DGKI: variants seen among roughly 807,000 people sequenced by gnomAD.
DGKI encodes DAG kinase iota.
DGKI carries 55 observed loss-of-function variants against 147.5 expected under a neutral mutation model. The observed-to-expected ratio is 0.37, with a 90% CI of 0.30 to 0.47. The LOEUF is 0.47. Ranked by LOEUF, DGKI falls within the 20% of genes least tolerant of loss-of-function variation. DGKI has a pLI of 1.00. For synonymous variants in DGKI, 469 were observed against 477.1 expected, an observed-to-expected ratio of 0.98 and a Z score of 0.22; for missense variants, 1,007 against 1,323.8, an observed-to-expected ratio of 0.76 and a Z score of 3.71.
intron 1 of DGKI, among the ~76,000 whole-genome samples, chr7:137,707,199 G>T (rs1455442172): frequency 2.0e-5 from 3 of 152,182 alleles, no homozygotes; most frequent in Admixed American, 6.5e-5. Flanking sequence ...AGGGAGTGGG[G>T]TGGTCTGCTT....
chr7:137,829,782 G>A (rs1798166636), intron 1 of DGKI, among the ~76,000 whole-genome samples: 1 of 152,220 alleles, frequency 6.6e-6, no homozygotes, highest in African/African-American at 2.4e-5. Flanking sequence ...TTCTTCATTG[G>A]CTCTGTGTCA....
intron 28 of DGKI, among the ~76,000 whole-genome samples, chr7:137,430,212 T>C (rs1212754796): frequency 6.6e-6 from 1 of 150,794 alleles, no homozygotes; most frequent in African/African-American, 2.4e-5. Flanking sequence ...CACCATGGAA[T>C]ACTATGCAGC....
chr7:137,683,689 T>G lies in DGKI; in HGVS notation c.511-5037A>C, dbSNP rs1823318160. 4.6e-5 allele frequency among the ~76,000 whole-genome samples: 7 copies of G among 152,136 alleles called. 1 individual carries two copies. The South Asian group carries it at 1.5e-3, about 32-fold the overall frequency. ...CTCAAATAGTATACAACTCAAAGAG[T>G]CTCCATCTGTGCCAGACAGAAAAAT... is the stretch of plus-strand genomic sequence containing the variant. On this transcript the variant is annotated intron_variant, in intron 2 of 32. Transcript: ENST00000614521.
intron 1 of DGKI, among the ~76,000 whole-genome samples, chr7:137,752,348 G>A (rs1795522650): frequency 6.6e-6 from 1 of 152,104 alleles, no homozygotes; most frequent in African/African-American, 2.4e-5. Flanking sequence ...TACAAAGAGG[G>A]AAAAGGAAGG....
At chr7:137,653,558 G>A (rs755526325) in intron 5 of DGKI, among the ~76,000 whole-genome samples, 9 of 152,084 alleles carry the variant, frequency 5.9e-5, no homozygotes, top group African/African-American at 9.6e-5. Context: ...CTTTCTATCC[G>A]GAAGGCTCTT....
intron 30 of DGKI, among the ~76,000 whole-genome samples, chr7:137,402,355 T>G (rs1190180423): frequency 6.6e-6 from 1 of 152,194 alleles, no homozygotes; most frequent in Non-Finnish European, 1.5e-5. Context: ...GAAAATTCTG[T>G]TAAGTGGACA....
At chr7:137,551,617 T>C (rs538513928) in intron 20 of DGKI, among the ~76,000 whole-genome samples, 1 of 152,290 alleles carries the variant, frequency 6.6e-6, no homozygotes, top group African/African-American at 2.4e-5. Context: ...CGTCCCCTTC[T>C]CCAACCCCAC....
intron 5 of DGKI, among the ~76,000 whole-genome samples, chr7:137,650,762 G>C (rs1205969854): frequency 6.6e-6 from 1 of 152,106 alleles, no homozygotes; most frequent in Non-Finnish European, 1.5e-5. Flanking sequence ...AATAATTTTT[G>C]TTGCTTATAA....
chr7:137,448,198 G>C (rs755859191), intron 27 of DGKI, among the ~76,000 whole-genome samples: 1 of 151,228 alleles, frequency 6.6e-6, no homozygotes, highest in Non-Finnish European at 1.5e-5. Flanking sequence ...ACCTAGAAGA[G>C]GATGCTGATA....
chr7:137,664,377 C>CAAAAAAAA (rs1190186766), intron 3 of DGKI, among the ~76,000 whole-genome samples: 47 of 55,004 alleles, frequency 8.5e-4, no homozygotes, highest in Non-Finnish European at 1.4e-3. Flanking sequence ...GACTCCATCT[C>CAAAAAAAA]AAAAAAAAAA....
At chr7:137,586,245 C>T (rs779451865) in intron 13 of DGKI, among the ~76,000 whole-genome samples, 13 of 151,984 alleles carry the variant, frequency 8.6e-5, no homozygotes, top group Non-Finnish European at 1.5e-4. Context: ...GCCAACATGG[C>T]GAAACCCTGT....
At chr7:137,761,803 A>G (rs1585457632) in intron 1 of DGKI, among the ~76,000 whole-genome samples, 1 of 152,270 alleles carries the variant, frequency 6.6e-6, no homozygotes, top group African/African-American at 2.4e-5. Context: ...CTTCTCTCCT[A>G]GACTCCAGAC....
chr7:137,680,281 G>A (rs1392178094), intron 2 of DGKI, among the ~76,000 whole-genome samples: 2 of 152,216 alleles, frequency 1.3e-5, no homozygotes, highest in African/African-American at 2.4e-5. Flanking sequence ...CACCAGAACT[G>A]TGGGAAATGA....
chr7:137,794,416 CA>C (rs1388576342), intron 1 of DGKI, among the ~76,000 whole-genome samples: 1 of 152,220 alleles, frequency 6.6e-6, no homozygotes, highest in Non-Finnish European at 1.5e-5. Context: ...TAAGTTGATA[CA>C]AATGAACATT....
chr7:137,451,195 T>G (rs1408051717), intron 27 of DGKI, among the ~76,000 whole-genome samples: 1 of 123,532 alleles, frequency 8.1e-6, no homozygotes, highest in Non-Finnish European at 2.0e-5. Flanking sequence ...AGTCTCCAGG[T>G]TCCCAAGGAA....
At chr7:137,782,251 G>T (rs1796541344) in intron 1 of DGKI, among the ~76,000 whole-genome samples, 1 of 152,128 alleles carries the variant, frequency 6.6e-6, no homozygotes, top group African/African-American at 2.4e-5. Flanking sequence ...GCTGTCGTGG[G>T]GGCATGATGA....
chr7:137,739,164 A>G (rs903977221), intron 1 of DGKI, among the ~76,000 whole-genome samples: 1 of 152,168 alleles, frequency 6.6e-6, no homozygotes, highest in African/African-American at 2.4e-5. Context: ...CTCAGCATGG[A>G]TCTACATCCA....
chr7:137,444,508 A>C (rs911606539), intron 27 of DGKI, among the ~76,000 whole-genome samples: 17 of 152,248 alleles, frequency 1.1e-4, no homozygotes, highest in African/African-American at 4.1e-4. Flanking sequence ...ATCTACTTGA[A>C]CAGTATAAAT....
intron 1 of DGKI, among the ~76,000 whole-genome samples, chr7:137,773,294 G>A (rs1015075323): frequency 1.3e-5 from 2 of 152,208 alleles, no homozygotes; most frequent in African/African-American, 4.8e-5. Flanking sequence ...ACTCTGCAAA[G>A]ACATGACACT....
Sources: allele counts gnomAD v4.1 joint callset (sites outside exome capture counted in the v4.1 genomes callset), GRCh38; gene constraint gnomAD v4.1.1; transcripts MANE v1.5; gene names NCBI Gene and HGNC (gene_info 2026-07-23, HGNC 2026-07-21).